The following BBS1 variants were observed in gnomAD, a reference collection of about 807,000 sequenced individuals.
The protein encoded by BBS1 is Bardet-Biedl syndrome 1.
Under a neutral mutation model 73.9 loss-of-function variants are expected in BBS1, and 60 were observed. The observed-to-expected ratio is 0.81, with a 90% CI of 0.66 to 1.01. BBS1 has a LOEUF of 1.01. Ranked by LOEUF, BBS1 falls within the 50% of genes least tolerant of loss-of-function variation. BBS1 has a pLI of 0.00. For missense variants in BBS1, 718 were observed against 770.3 expected, an observed-to-expected ratio of 0.93 and a Z score of 0.80; for synonymous variants, 283 against 317.4, an observed-to-expected ratio of 0.89 and a Z score of 1.15.
intron 11 of BBS1, among the ~76,000 whole-genome samples, chr11:66,525,027 C>T (rs547157829): frequency 3.4e-4 from 52 of 152,136 alleles, no homozygotes; most frequent in African/African-American, 1.3e-3. Context: ...GGTAAAACCC[C>T]GTCTCTACTA....
At position 66,523,498 on chromosome 11, in the gene BBS1, G is replaced by A. The variant is rs547524683; in HGVS notation, c.873G>A (p.Gln291=). 2 of 1,614,120 alleles carry A rather than the reference G, an allele frequency of 1.2e-6. No individual in the cohort carries two copies. The highest frequency in any genetic ancestry group is 1.7e-5 in the Admixed American group (1 of 60,016). ...AGTACTGCATCGAGCTGAGCGCCCA[G>A]CCTGTGGGACTTATCCGGGTACACA... ...HPKYCIELSA[Q]PVGLIRVHKV... is the part of the protein sequence containing the mutation. The change falls in exon 10 of 17, where the codon CAG becomes CAA. Residue 291 remains glutamine, a synonymous_variant. Coordinates refer to ENST00000318312, the MANE Select transcript of BBS1 (RefSeq NM_024649.5).
Position 66,514,692 on chromosome 11 carries a change from A to C in BBS1, c.432+14A>C, listed in dbSNP as rs764645595. On this transcript the variant is annotated intron_variant, in intron 4 of 16. Transcript: ENST00000318312. ...CAGGCCAAAGAGGTAAATAAATAAC[A>C]TGGGAGTTGGGAACCAGAAGGCAAA... 2.5e-6 allele frequency: 4 copies of C among 1,607,418 alleles called. No homozygotes were observed. Among genetic ancestry groups the C allele is most frequent in the East Asian group, 4.5e-5 (2 of 44,832 alleles).
chr11:66,520,060 C>T (rs576652700), intron 8 of BBS1, among the ~76,000 whole-genome samples: 2 of 152,082 alleles, frequency 1.3e-5, no homozygotes, highest in Non-Finnish European at 2.9e-5. Context: ...TTTGGGAGGC[C>T]GAGGCAGGAG....
intron 11 of BBS1, chr11:66,524,151 G>A (rs1427100803): frequency 2.0e-5 from 9 of 455,818 alleles, no homozygotes; most frequent in African/African-American, 6.0e-5. Flanking sequence ...ATGGTGGTGC[G>A]TACCTGTAAT....
intron 11 of BBS1, 28 bp downstream of exon 11, chr11:66,523,910 T>C: frequency 6.2e-7 from 1 of 1,610,628 alleles, no homozygotes; most frequent in Non-Finnish European, 8.5e-7. Flanking sequence ...CATCTGCCAC[T>C]CACTCCTCCT....
In BBS1 at chr11:66,519,755, G is replaced by A. The variant is rs770220426; in HGVS notation, c.723+7G>A. The A allele has an allele frequency of 1.4e-5, 23 of 1,612,572 alleles. No homozygotes were observed. The East Asian group carries it at 2.9e-4, about 20-fold the overall frequency. On this transcript the variant is annotated splice_region_variant and intron_variant, in intron 8 of 16. Coordinates refer to ENST00000318312, the MANE Select transcript of BBS1 (RefSeq NM_024649.5). The stretch of plus-strand genomic sequence containing the variant: ...CTTCACCATTTTAGCCAAGGTCAGC[G>A]TCAGGTCTGGCCCTGGGCCCGCTGG...
At chr11:66,531,128 G>A (rs1348538497) in intron 15 of BBS1, 100 bp downstream of exon 15, 18 of 1,514,014 alleles carry the variant, frequency 1.2e-5, no homozygotes, top group Middle Eastern at 1.8e-4. Context: ...CAGAGCGTGC[G>A]GGTGGCTGCC....
At chr11:66,521,940 C>T (rs190239876) in intron 9 of BBS1, among the ~76,000 whole-genome samples, 2,038 of 137,246 alleles carry the variant, frequency 0.015, 50 homozygotes, top group African/African-American at 0.053. Context: ...AGGGGGGTGC[C>T]GGGTGCATTG....
chr11:66,531,719 A>C lies in BBS1; in HGVS notation c.1672A>C (p.Lys558Gln), dbSNP rs1178965966. 4 of 1,613,892 alleles carry C rather than the reference A, an allele frequency of 2.5e-6. No individual in the cohort carries two copies. In the African/African-American group the frequency reaches 5.3e-5, roughly 22 times the overall value. ...LETFVESLSN[K>Q]GISDIIKVLV... The stretch of plus-strand genomic sequence containing the variant: ...GACCTTTGTGGAGAGTCTCAGTAAC[A>C]AGGGCATCTCAGACATCATCAAGGT... The change falls in exon 16 of 17, where the codon AAG becomes CAG. Residue 558 changes from lysine (K) to glutamine (Q), a missense_variant. Transcript: ENST00000318312.
chr11:66,529,313 A>G, intron 13 of BBS1: 1 of 1,536,276 alleles, frequency 6.5e-7, no homozygotes, highest in Non-Finnish European at 8.7e-7. Flanking sequence ...AGGCAGGACC[A>G]TGAGGCTGGT....
chr11:66,518,021 A>C (rs1224750882), intron 7 of BBS1, among the ~76,000 whole-genome samples: 1 of 140,960 alleles, frequency 7.1e-6, no homozygotes, highest in Non-Finnish European at 1.5e-5. Flanking sequence ...GCAATGGCGC[A>C]ATCTCAGCTC....
rs1310229502 is a variant in BBS1, at chr11:66,532,513, A to C, written c.*476A>C. Reference sequence around the variant, plus strand: ...CTCCTGTTGCTCCCTGGAGTTCCGGAGGCTGGGCTGCAGCCCACTCAGCTT... The same window carrying C: ...CTCCTGTTGCTCCCTGGAGTTCCGGCGGCTGGGCTGCAGCCCACTCAGCTT... On this transcript the variant is annotated 3_prime_UTR_variant, in exon 17 of 17. Coordinates refer to ENST00000318312, the MANE Select transcript of BBS1 (RefSeq NM_024649.5). The C allele has an allele frequency of 1.2e-5, 2 of 164,906 alleles. No homozygotes were observed. The highest frequency in any genetic ancestry group is 4.8e-5 in the African/African-American group (2 of 41,760). 10.2% of individuals were successfully genotyped at this position (164,906 alleles called of 1,614,324 possible). A position where few individuals can be genotyped will look rare whatever the true frequency, so the allele number is the denominator to read the frequency against.
At chr11:66,517,658 G>A (rs567239675) in intron 7 of BBS1, among the ~76,000 whole-genome samples, 1 of 151,796 alleles carries the variant, frequency 6.6e-6, no homozygotes, top group African/African-American at 2.4e-5. Flanking sequence ...AGTAGAGATG[G>A]TGTTTCACCA....
chr11:66,528,153 T>G (rs1173440666), intron 13 of BBS1, among the ~76,000 whole-genome samples: 1 of 152,096 alleles, frequency 6.6e-6, no homozygotes, highest in Non-Finnish European at 1.5e-5. Context: ...GAGGCAAAGG[T>G]TGCAGTGAAC....
At chr11:66,522,621 C>T (rs1256627079) in intron 9 of BBS1, among the ~76,000 whole-genome samples, 1 of 152,160 alleles carries the variant, frequency 6.6e-6, no homozygotes, top group South Asian at 2.1e-4. Flanking sequence ...GCCGGGATTA[C>T]AGTCATAAGC....
At position 66,515,928 on chromosome 11, in the gene BBS1, C is replaced by T. The variant is rs377159794; in HGVS notation, c.586C>T (p.Arg196Trp). Residue 196 changes from arginine to tryptophan, a missense_variant, in exon 7 of 17, where the codon CGG becomes TGG. Arg to Trp is a moderately radical substitution (Grantham distance 101). Coordinates refer to ENST00000318312, the MANE Select transcript of BBS1 (RefSeq NM_024649.5). The part of the protein sequence containing the change: ...VNQHKSNSIK[R>W]QTVITTMTTL... ...CCAACACAAGTCCAACTCCATCAAG[C>T]GGCAGGTAATACCCCCTTCTCTTTT... The T allele has an allele frequency of 1.4e-5, 23 of 1,613,952 alleles. No individual in the cohort carries two copies. The highest frequency in any genetic ancestry group is 6.7e-5 in the East Asian group (3 of 44,900).
intron 3 of BBS1, among the ~76,000 whole-genome samples, chr11:66,512,664 G>T (rs565303156): frequency 1.3e-5 from 2 of 152,222 alleles, no homozygotes; most frequent in Admixed American, 6.5e-5. Context: ...AGAAACCACA[G>T]ACACAGTAGC....
In BBS1 at chr11:66,533,358, C is replaced by T. The variant is rs965812932; in HGVS notation, c.*1321C>T. 6.6e-6 allele frequency: 1 copy of T among 152,250 alleles called. No homozygotes were observed. Among genetic ancestry groups the T allele is most frequent in the African/African-American group, 2.4e-5 (1 of 41,460 alleles). 9.4% of individuals were successfully genotyped at this position (152,250 alleles called of 1,614,324 possible). On this transcript the variant is annotated 3_prime_UTR_variant, in exon 17 of 17. Transcript: ENST00000318312. ...GTACTGCTCCCCTACCCAGCAGTCA[C>T]TTCCAGTTCATTCAGCTATTTTTAA...
At chr11:66,529,150 G>C in intron 13 of BBS1, 1 of 984,340 alleles carries the variant, frequency 1.0e-6, no homozygotes, top group East Asian at 1.1e-4. Flanking sequence ...GCCAGCCTGG[G>C]GGACCGAGGT....
Sources: allele counts gnomAD v4.1 joint callset (sites outside exome capture counted in the v4.1 genomes callset), GRCh38; gene constraint gnomAD v4.1.1; transcripts MANE v1.5; gene names NCBI Gene and HGNC (gene_info 2026-07-23, HGNC 2026-07-21).